Variants in COMMD10 observed in about 807,000 individuals in gnomAD.
COMMD10 encodes COMM domain-containing protein 10.
In COMMD10, 33 loss-of-function variants were observed where a neutral mutation model predicts 28.9. That is an observed-to-expected ratio of 1.14 (90% CI 0.87 to 1.53). The LOEUF is 1.53. Ranked by LOEUF, COMMD10 falls within the 40% of genes most tolerant of loss-of-function variation. The pLI is 0.00. For synonymous variants in COMMD10, 110 were observed against 81.7 expected, an observed-to-expected ratio of 1.35 and a Z score of -1.87; for missense variants, 310 against 233.4, an observed-to-expected ratio of 1.33 and a Z score of -2.14.
intron 5 of COMMD10, among the ~76,000 whole-genome samples, chr5:116,289,831 A>G (rs551168435): frequency 6.6e-6 from 1 of 151,984 alleles, no homozygotes; most frequent in African/African-American, 2.4e-5. Context: ...TGGTCTCTCA[A>G]GTTCTCACAA....
intron 4 of COMMD10, among the ~76,000 whole-genome samples, chr5:116,095,137 A>G (rs1247478926): frequency 7.2e-5 from 11 of 152,170 alleles, no homozygotes; most frequent in Admixed American, 6.5e-4. Context: ...GTTGACATCA[A>G]TATATTGGTC....
At chr5:116,203,842 C>T (rs1265878651) in intron 5 of COMMD10, among the ~76,000 whole-genome samples, 1 of 151,546 alleles carries the variant, frequency 6.6e-6, no homozygotes, top group Admixed American at 6.6e-5. Flanking sequence ...CTAAGGAGCA[C>T]AATAACCAGC....
intron 4 of COMMD10, among the ~76,000 whole-genome samples, chr5:116,098,665 T>C (rs982779659): frequency 1.3e-5 from 2 of 152,274 alleles, no homozygotes; most frequent in Middle Eastern, 3.4e-3. Context: ...ATCTGCAGTT[T>C]TGGGTGTCTG....
intron 5 of COMMD10, among the ~76,000 whole-genome samples, chr5:116,205,405 C>T (rs72804883): frequency 0.034 from 5,179 of 152,190 alleles, 120 homozygotes; most frequent in Middle Eastern, 0.058. Flanking sequence ...TGAATTTTTA[C>T]CATCTTCTGA....
At chr5:116,174,763 A>G (rs1561648669) in intron 5 of COMMD10, among the ~76,000 whole-genome samples, 5 of 152,120 alleles carry the variant, frequency 3.3e-5, no homozygotes, top group Admixed American at 3.3e-4. Context: ...TTTCCTAACC[A>G]TGTTGGATCT....
At chr5:116,197,593 C>T (rs530995960) in intron 5 of COMMD10, among the ~76,000 whole-genome samples, 45 of 152,112 alleles carry the variant, frequency 3.0e-4, no homozygotes, top group African/African-American at 1.1e-3. Context: ...CTATGTTGCC[C>T]AGGCTGGTCT....
intron 5 of COMMD10, among the ~76,000 whole-genome samples, chr5:116,192,036 G>A (rs11951682): frequency 0.32 from 47,293 of 149,342 alleles, 10,171 homozygotes; most frequent in African/African-American, 0.62. Flanking sequence ...GGGTAGACTC[G>A]GTGGCTAGAC....
At chr5:116,273,973 C>G (rs1362581122) in intron 5 of COMMD10, among the ~76,000 whole-genome samples, 1 of 151,546 alleles carries the variant, frequency 6.6e-6, no homozygotes, top group African/African-American at 2.4e-5. Flanking sequence ...TGATATCAGT[C>G]ATTACTAATG....
chr5:116,180,152 A>G (rs1255434631), intron 5 of COMMD10, among the ~76,000 whole-genome samples: 2 of 152,114 alleles, frequency 1.3e-5, no homozygotes, highest in African/African-American at 2.4e-5. Flanking sequence ...TTAATTGATT[A>G]TATCTGTTGT....
intron 5 of COMMD10, among the ~76,000 whole-genome samples, chr5:116,135,654 A>G (rs534546849): frequency 6.6e-6 from 1 of 152,156 alleles, no homozygotes; most frequent in African/African-American, 2.4e-5. Context: ...TTATTACACT[A>G]TGTTGTTGTA....
intron 5 of COMMD10, among the ~76,000 whole-genome samples, chr5:116,253,148 T>C (rs1750170521): frequency 3.9e-5 from 4 of 102,804 alleles, no homozygotes; most frequent in African/African-American, 1.2e-4. Context: ...ATTGATTTTG[T>C]ATCCTGAGAC....
intron 4 of COMMD10, among the ~76,000 whole-genome samples, chr5:116,109,505 A>C (rs180694805): frequency 6.6e-6 from 1 of 152,270 alleles, no homozygotes; most frequent in Non-Finnish European, 1.5e-5. Flanking sequence ...GAGGCCTGAG[A>C]ATTGCTTGAA....
chr5:116,203,631 A>C (rs1190100016), intron 5 of COMMD10, among the ~76,000 whole-genome samples: 1 of 152,166 alleles, frequency 6.6e-6, no homozygotes, highest in Admixed American at 6.5e-5. Context: ...TTTCATATCC[A>C]ACCAAACTAA....
chr5:116,256,052 A>G (rs964666404), intron 5 of COMMD10, among the ~76,000 whole-genome samples: 14 of 151,706 alleles, frequency 9.2e-5, no homozygotes, highest in African/African-American at 2.9e-4. Context: ...GCAAATATGC[A>G]TGACTGAAAT....
In COMMD10 at chr5:116,085,058, G is replaced by A. The variant is rs773139726; in HGVS notation, c.6G>A (p.Ala2=). The A allele has an allele frequency of 1.9e-6, 3 of 1,609,046 alleles. No individual in the cohort carries two copies. Among genetic ancestry groups the A allele is most frequent in the Non-Finnish European group, 2.5e-6 (3 of 1,178,778 alleles). The change falls in exon 1 of 7, where the codon GCG becomes GCA. Residue 2 remains alanine (A), a synonymous_variant. Coordinates refer to ENST00000274458, the MANE Select transcript of COMMD10 (RefSeq NM_016144.4). The part of the protein sequence containing the change: M[A]VPAALILRES... ...GCAGTGCGAGAAAGCCGAAGATGGCGGTCCCCGCGGCGCTGATCCTACGGG... is the reference window on the plus strand; with the variant it reads ...GCAGTGCGAGAAAGCCGAAGATGGCAGTCCCCGCGGCGCTGATCCTACGGG...
At chr5:116,204,498 A>G (rs1748761611) in intron 5 of COMMD10, among the ~76,000 whole-genome samples, 1 of 151,654 alleles carries the variant, frequency 6.6e-6, no homozygotes, top group Admixed American at 6.6e-5. Flanking sequence ...GGTACTGAAT[A>G]TTAAGAAGAT....
chr5:116,202,200 T>C (rs1334908465), intron 5 of COMMD10, among the ~76,000 whole-genome samples: 1 of 152,028 alleles, frequency 6.6e-6, no homozygotes, highest in Non-Finnish European at 1.5e-5. Flanking sequence ...TCCATGTCCC[T>C]ACAAAGGACA....
intron 5 of COMMD10, among the ~76,000 whole-genome samples, chr5:116,258,579 A>G (rs978431146): frequency 6.6e-6 from 1 of 151,796 alleles, no homozygotes; most frequent in African/African-American, 2.4e-5. Flanking sequence ...TAGACTTGAC[A>G]TAGAGTCCTA....
At chr5:116,272,880 T>C (rs1750796594) in intron 5 of COMMD10, among the ~76,000 whole-genome samples, 1 of 151,862 alleles carries the variant, frequency 6.6e-6, no homozygotes, top group Non-Finnish European at 1.5e-5. Context: ...TCTTAGGGCA[T>C]GAACAAGATT....
Sources: gnomAD v4.1 joint callset for allele counts (sites outside exome capture counted in the v4.1 genomes callset) on GRCh38, gnomAD v4.1.1 for gene constraint, MANE v1.5 for transcripts, NCBI Gene and HGNC (gene_info 2026-07-23, HGNC 2026-07-21) for gene names.